FGF12: variants seen among roughly 807,000 people sequenced by gnomAD.
FGF12 encodes the protein fibroblast growth factor 12B.
Under a neutral mutation model 23.6 loss-of-function variants are expected in FGF12, and 14 were observed. The observed-to-expected ratio is 0.59, with a 90% CI of 0.39 to 0.93. The LOEUF (loss-of-function observed/expected upper bound fraction) is 0.93, where lower values mean the gene tolerates loss of function less well. FGF12 is among the 40% of genes least tolerant of loss of function. FGF12 has a pLI of 0.00. For synonymous variants in FGF12, 62 were observed against 77.3 expected, an observed-to-expected ratio of 0.80 and a Z score of 1.04; for missense variants, 175 against 217.8, an observed-to-expected ratio of 0.80 and a Z score of 1.24.
intron 4 of FGF12, among the ~76,000 whole-genome samples, chr3:192,171,412 A>G (rs1000681334): frequency 7.9e-5 from 12 of 152,208 alleles, no homozygotes; most frequent in African/African-American, 2.9e-4. Flanking sequence ...ATTCAAATAC[A>G]CATTTAAGAA....
chr3:192,193,973 A>G (rs1716932406), intron 4 of FGF12, among the ~76,000 whole-genome samples: 1 of 152,198 alleles, frequency 6.6e-6, no homozygotes, highest in African/African-American at 2.4e-5. Flanking sequence ...GATGTGTAGT[A>G]TGTAGAAAAA....
intron 2 of FGF12, among the ~76,000 whole-genome samples, chr3:192,402,815 C>T (rs1055889566): frequency 6.6e-6 from 1 of 152,144 alleles, no homozygotes; most frequent in Non-Finnish European, 1.5e-5. Flanking sequence ...GCATCTAAGC[C>T]TTCTCCCACT....
chr3:192,718,100 A>G (rs1456987480), intron 2 of FGF12, among the ~76,000 whole-genome samples: 1 of 150,862 alleles, frequency 6.6e-6, no homozygotes, highest in Non-Finnish European at 1.5e-5. Flanking sequence ...CAGACTTCCT[A>G]TCAATAATGT....
chr3:192,212,199 T>C (rs1318102219), intron 4 of FGF12, among the ~76,000 whole-genome samples: 1 of 152,218 alleles, frequency 6.6e-6, no homozygotes, highest in African/African-American at 2.4e-5. Flanking sequence ...AACCGCTGAG[T>C]TGTTGCCATG....
chr3:192,526,287 A>G (rs1405580902), intron 2 of FGF12, among the ~76,000 whole-genome samples: 1 of 152,132 alleles, frequency 6.6e-6, no homozygotes, highest in Non-Finnish European at 1.5e-5. Context: ...CTTTCACACA[A>G]TAGTCTCTGA....
intron 4 of FGF12, among the ~76,000 whole-genome samples, chr3:192,314,444 C>CATCT (rs1716124601): frequency 6.6e-6 from 1 of 152,136 alleles, no homozygotes; most frequent in Non-Finnish European, 1.5e-5. Flanking sequence ...ATAAAGGCAC[C>CATCT]ATCTCTTCCT....
At chr3:192,231,922 G>A (rs1333659301) in intron 4 of FGF12, among the ~76,000 whole-genome samples, 1 of 152,176 alleles carries the variant, frequency 6.6e-6, no homozygotes, top group Admixed American at 6.5e-5. Flanking sequence ...CAAAGTCAGT[G>A]CTGCCTGCTA....
At chr3:192,506,466 G>A (rs1414108368) in intron 2 of FGF12, among the ~76,000 whole-genome samples, 2 of 152,198 alleles carry the variant, frequency 1.3e-5, no homozygotes, top group African/African-American at 4.8e-5. Flanking sequence ...CGCCTCCCAG[G>A]TTCAAGCGAT....
intron 3 of FGF12, among the ~76,000 whole-genome samples, chr3:192,356,834 G>A (rs1269591764): frequency 6.6e-6 from 1 of 152,032 alleles, no homozygotes; most frequent in Non-Finnish European, 1.5e-5. Flanking sequence ...ACAACTTAGA[G>A]GTTTATAATT....
intron 2 of FGF12, among the ~76,000 whole-genome samples, chr3:192,442,145 G>A (rs1022889790): frequency 3.3e-5 from 5 of 152,186 alleles, no homozygotes; most frequent in African/African-American, 1.2e-4. Flanking sequence ...TGCCAGAGGT[G>A]AATGATTCAA....
intron 4 of FGF12, among the ~76,000 whole-genome samples, chr3:192,295,944 C>T (rs1715005281): frequency 6.6e-6 from 1 of 151,564 alleles, no homozygotes; most frequent in South Asian, 2.1e-4. Context: ...TGCAGTAGCA[C>T]TATCACAGCT....
intron 2 of FGF12, among the ~76,000 whole-genome samples, chr3:192,471,489 C>T (rs187525781): frequency 6.6e-6 from 1 of 152,026 alleles, no homozygotes. Flanking sequence ...AAAACAATTA[C>T]ATTCATATAC....
chr3:192,670,518 ATGT>A (rs570839203), intron 2 of FGF12, among the ~76,000 whole-genome samples: 255 of 152,292 alleles, frequency 1.7e-3, no homozygotes, highest in African/African-American at 5.6e-3. Flanking sequence ...AATAATAATA[ATGT>A]TGTGAATAAT....
At chr3:192,457,518 G>A (rs1340541201) in intron 2 of FGF12, among the ~76,000 whole-genome samples, 1 of 152,188 alleles carries the variant, frequency 6.6e-6, no homozygotes, top group African/African-American at 2.4e-5. Context: ...TTTTAGCAAA[G>A]AGACTGGTGG....
chr3:192,154,899 G>T lies in FGF12; in HGVS notation c.428-10772C>A, dbSNP rs1200922477. On this transcript the variant is annotated intron_variant, in intron 5 of 5. Coordinates refer to ENST00000445105, the MANE Select transcript of FGF12 (RefSeq NM_004113.6). ...TAAACAAGCCTGGGCAATGGCGGGCGCCCCTCCCCCAGCCTCGCTGCCGCC... is the reference window on the plus strand; with the variant it reads ...TAAACAAGCCTGGGCAATGGCGGGCTCCCCTCCCCCAGCCTCGCTGCCGCC... Among the ~76,000 whole-genome samples the T allele has an allele frequency of 2.2e-5, 3 of 137,002 alleles. No individual in the cohort carries two copies. In the South Asian group the frequency reaches 7.6e-4, roughly 35 times the overall value. The allele number at this position is 137,002 out of a possible 152,430, so 89.9% of individuals were successfully genotyped here. A position where few individuals can be genotyped will look rare whatever the true frequency, so the allele number is the denominator to read the frequency against.
intron 2 of FGF12, among the ~76,000 whole-genome samples, chr3:192,616,939 G>A (rs1416443021): frequency 1.3e-5 from 2 of 151,984 alleles, no homozygotes; most frequent in Non-Finnish European, 2.9e-5. Context: ...AAATGAGAAA[G>A]TTTGGGGGAC....
At chr3:192,688,127 A>G (rs1359807605) in intron 2 of FGF12, among the ~76,000 whole-genome samples, 2 of 151,954 alleles carry the variant, frequency 1.3e-5, no homozygotes, top group Non-Finnish European at 1.5e-5. Context: ...GCCCCTTGCC[A>G]CCAAACTCAG....
chr3:192,433,095 G>A (rs571028320), intron 2 of FGF12, among the ~76,000 whole-genome samples: 55 of 152,170 alleles, frequency 3.6e-4, no homozygotes, highest in African/African-American at 1.3e-3. Flanking sequence ...GTTCTATCCA[G>A]GGAATTCCTA....
rs560846743 is a variant in FGF12 at position 192,280,596 on chromosome 3, T to C, written c.228+54765A>G. On this transcript the variant is annotated intron_variant, in intron 4 of 5. Coordinates refer to ENST00000445105, the MANE Select transcript of FGF12 (RefSeq NM_004113.6). ...GCACTTCTTATGTGCAAAATACTGC[T>C]CTGAATGCTTTACATTTATGATATT... Among the ~76,000 whole-genome samples the C allele has an allele frequency of 1.8e-3, 267 of 152,248 alleles. 2 individuals are homozygous for C. Among genetic ancestry groups the C allele is most frequent in the Non-Finnish European group, 2.7e-3 (186 of 68,022 alleles).
Sources: allele counts gnomAD v4.1 joint callset (sites outside exome capture counted in the v4.1 genomes callset), GRCh38; gene constraint gnomAD v4.1.1; transcripts MANE v1.5; gene names NCBI Gene and HGNC (gene_info 2026-07-23, HGNC 2026-07-21).